Variants in EIF2S3B observed in about 807,000 individuals in gnomAD.
EIF2S3B encodes the protein eukaryotic translation initiation factor 2 subunit 3B.
EIF2S3B carries 16 observed loss-of-function variants against 26.4 expected under a neutral mutation model. The ratio of observed to expected loss-of-function variants is 0.61; its 90% CI spans 0.41 to 0.92. EIF2S3B has a LOEUF of 0.92. Ranked by LOEUF, EIF2S3B falls within the 40% of genes least tolerant of loss-of-function variation. EIF2S3B has a pLI of 0.00. For synonymous variants in EIF2S3B, 183 were observed against 204.4 expected, an observed-to-expected ratio of 0.90 and a Z score of 0.89; for missense variants, 510 against 575.5, an observed-to-expected ratio of 0.89 and a Z score of 1.16.
chr12:10,513,976 T>C (rs1237264493), intron 1 of EIF2S3B, among the ~76,000 whole-genome samples: 3 of 152,018 alleles, frequency 2.0e-5, no homozygotes, highest in Non-Finnish European at 4.4e-5. Flanking sequence ...GATAGTCCCA[T>C]GGCACTCCAG....
rs182270887 is a variant in EIF2S3B at position 10,506,211 on chromosome 12, A to C, written c.309A>C (p.Arg103=). The C allele has an allele frequency of 5.9e-3, 9,423 of 1,592,000 alleles. 91 individuals carry two copies. Among genetic ancestry groups the C allele is most frequent in the South Asian group, 0.03 (2,757 of 90,576 alleles). The change falls in exon 1 of 1, where the codon CGA becomes CGC. Residue 103 remains arginine, a synonymous_variant. Coordinates refer to ENST00000538173, the MANE Select transcript of EIF2S3B (RefSeq NM_001357734.3). ...DPSCPRPECY[R]SCGSSMPDEF... ...GTTGCCCTCGGCCAGAATGTTATCG[A>C]TCTTGTGGGAGCAGTATGCCTGATG...
intron 1 of EIF2S3B, among the ~76,000 whole-genome samples, chr12:10,515,243 T>G (rs1230426495): frequency 6.6e-6 from 1 of 152,016 alleles, no homozygotes; most frequent in Non-Finnish European, 1.5e-5. Flanking sequence ...TTATATGACA[T>G]TCATCTGATC....
rs1864649182 is a variant in EIF2S3B at position 10,507,376 on chromosome 12, TAAC to T, written c.*59_*61del. 2 of 1,595,550 alleles carry T rather than the reference TAAC, an allele frequency of 1.3e-6. No homozygotes were observed. Among genetic ancestry groups the T allele is most frequent in the Admixed American group, 3.3e-5 (2 of 59,918 alleles). ...GGAGCTGGAAGTTGCAATTTCTCTT[TAAC>T]AACCAAGGGGTTTATTTTCAAAGCG... On this transcript the variant is annotated 3_prime_UTR_variant, in exon 1 of 1. Transcript: ENST00000538173.
chr12:10,522,534 T>C (rs1864843875), intron 1 of EIF2S3B: 2 of 606,034 alleles, frequency 3.3e-6, no homozygotes, highest in Admixed American at 5.2e-5. Context: ...TCCTTATACC[T>C]AAATAGATTT....
exon 2 of EIF2S3B, chr12:10,522,782 C>T (rs979263896): frequency 3.4e-5 from 20 of 587,390 alleles, no homozygotes; most frequent in Middle Eastern, 2.6e-4. Flanking sequence ...CTGTGATGCC[C>T]GGAATTGTGA....
rs1217313963 is a variant in EIF2S3B, at chr12:10,506,506, G to GAACA, written c.606_609dup (p.Tyr204ThrfsTer31). The GAACA allele has an allele frequency of 1.2e-6, 2 of 1,600,846 alleles. No homozygotes were observed. Among genetic ancestry groups the GAACA allele is most frequent in the East Asian group, 2.2e-5 (1 of 44,814 alleles). The stretch of plus-strand genomic sequence containing the variant: ...TTTGGTAAAAGAAAGGCAGGCTAAA[G>GAACA]AACAATACGAGCAGATCCTTGCGTT... On this transcript the variant is annotated frameshift_variant, in exon 1 of 1. Transcript: ENST00000538173. LOFTEE classifies it high-confidence loss of function.
chr12:10,511,698 T>C (rs1864705767), downstream of EIF2S3B, among the ~76,000 whole-genome samples: 1 of 152,214 alleles, frequency 6.6e-6, no homozygotes, highest in African/African-American at 2.4e-5. Context: ...AAGTTGTGAT[T>C]AATATTTGCA....
intron 1 of EIF2S3B, among the ~76,000 whole-genome samples, chr12:10,522,081 CT>C (rs1449135951): frequency 1.3e-5 from 2 of 152,200 alleles, no homozygotes; most frequent in East Asian, 1.9e-4. Context: ...GACTTTCAGT[CT>C]GTAAAACATA....
Position 10,517,475 on chromosome 12 carries a change from T to C in EIF2S3B, c.1309-5128T>C, listed in dbSNP as rs1429792623. On this transcript the variant is annotated intron_variant, in intron 1 of 1. Coordinates refer to the EIF2S3B transcript ENST00000322446. ...TGGTGATATCCCCTTTATCATTTTTTATTGTGTCTATTTGATTTTCTCTCT... is the reference window on the plus strand; with the variant it reads ...TGGTGATATCCCCTTTATCATTTTTCATTGTGTCTATTTGATTTTCTCTCT... Among the ~76,000 whole-genome samples, 5 of 152,322 alleles carry C rather than the reference T, an allele frequency of 3.3e-5. No homozygotes were observed. In the East Asian group the frequency reaches 5.8e-4, roughly 18 times the overall value.
At chr12:10,510,348 ATG>A (rs1287390277), downstream of EIF2S3B, among the ~76,000 whole-genome samples, 1 of 151,920 alleles carries the variant, frequency 6.6e-6, no homozygotes, top group Non-Finnish European at 1.5e-5. Flanking sequence ...GGACACACAC[ATG>A]TCTCATAAAG....
rs1204729425 is a variant in EIF2S3B, at chr12:10,506,463, T to G, written c.561T>G (p.Ile187Met). 11 of 1,610,288 alleles carry G rather than the reference T, an allele frequency of 6.8e-6. No homozygotes were observed. The highest frequency in any genetic ancestry group is 9.3e-6 in the Non-Finnish European group (11 of 1,176,488). ...TCATGAAACTGAAGCATATTTTGAT[T>G]CTACAAAATAAAATTGATTTGGTAA... is the stretch of plus-strand genomic sequence containing the variant. ...IEIMKLKHIL[I>M]LQNKIDLVKE... Residue 187 changes from isoleucine (I) to methionine (M), a missense_variant, in exon 1 of 1, where the codon ATT becomes ATG. By Grantham distance (10) the Ile-to-Met change is conservative. Coordinates refer to ENST00000538173, the MANE Select transcript of EIF2S3B (RefSeq NM_001357734.3).
Position 10,507,501 on chromosome 12 carries a change from A to C in EIF2S3B, c.*180A>C. Reference sequence around the variant, plus strand: ...TGGTTATGAAAACTTAGGGACTACAATTAGTATAAAAATTGGCATAATGTT... The same window carrying C: ...TGGTTATGAAAACTTAGGGACTACACTTAGTATAAAAATTGGCATAATGTT... On this transcript the variant is annotated 3_prime_UTR_variant, in exon 1 of 1. Coordinates refer to ENST00000538173, the MANE Select transcript of EIF2S3B (RefSeq NM_001357734.3). 5 of 696,380 alleles carry C rather than the reference A, an allele frequency of 7.2e-6. No homozygotes were observed. Among genetic ancestry groups the C allele is most frequent in the Non-Finnish European group, 1.2e-5 (5 of 422,528 alleles). 43.1% of individuals were successfully genotyped at this position (696,380 alleles called of 1,614,324 possible).
At chr12:10,521,957 C>T (rs1176187822) in intron 1 of EIF2S3B, among the ~76,000 whole-genome samples, 1 of 152,172 alleles carries the variant, frequency 6.6e-6, no homozygotes, top group Non-Finnish European at 1.5e-5. Flanking sequence ...AATAACTTCT[C>T]CAGTTTCCTC....
In EIF2S3B at chr12:10,506,565, T is replaced by C; in HGVS notation, c.663T>C (p.Ile221=). 6.3e-7 allele frequency: 1 copy of C among 1,594,616 alleles called. No homozygotes were observed. Among genetic ancestry groups the C allele is most frequent in the South Asian group, 1.1e-5 (1 of 90,658 alleles). The change falls in exon 1 of 1, where the codon ATT becomes ATC. Residue 221 remains isoleucine (I), a synonymous_variant. Coordinates refer to ENST00000538173, the MANE Select transcript of EIF2S3B (RefSeq NM_001357734.3). ...GTACAGTAGCAGAGGGAGCTCCCAT[T>C]ATTCCAATTTCGGCTCAGCTGAAAT... The part of the protein sequence containing the change: ...VQGTVAEGAP[I]IPISAQLKYN...
intron 1 of EIF2S3B, among the ~76,000 whole-genome samples, chr12:10,515,324 C>T (rs997137838): frequency 2.6e-5 from 4 of 151,938 alleles, no homozygotes; most frequent in Non-Finnish European, 4.4e-5. Flanking sequence ...AAAACTTCTC[C>T]TTTCAACTGA....
Position 10,506,609 on chromosome 12 carries a change from G to T in EIF2S3B, c.707G>T (p.Cys236Phe). The T allele has an allele frequency of 1.2e-6, 2 of 1,608,790 alleles. No individual in the cohort carries two copies. Among genetic ancestry groups the T allele is most frequent in the Non-Finnish European group, 8.5e-7 (1 of 1,175,200 alleles). ...AQLKYNIEVVCEYIVKKIPVP... is the reference protein window; with the variant it reads ...AQLKYNIEVVFEYIVKKIPVP... The stretch of plus-strand genomic sequence containing the variant: ...CTGAAATACAATATTGAAGTTGTTT[G>T]TGAGTACATAGTAAAGAAAATTCCA... The change falls in exon 1 of 1, where the codon TGT becomes TTT. Residue 236 changes from cysteine to phenylalanine, a missense_variant. Transcript: ENST00000538173.
intron 1 of EIF2S3B, among the ~76,000 whole-genome samples, chr12:10,517,171 G>A (rs1164479740): frequency 1.3e-5 from 2 of 152,114 alleles, no homozygotes; most frequent in Admixed American, 6.6e-5. Context: ...GATTGGAATA[G>A]TTTCAGAAGG....
intron 1 of EIF2S3B, among the ~76,000 whole-genome samples, chr12:10,518,998 G>GA (rs1241405378): frequency 6.6e-6 from 1 of 151,026 alleles, no homozygotes; most frequent in Non-Finnish European, 1.5e-5. Flanking sequence ...CACAGAATTG[G>GA]AAAAAACTAC....
At chr12:10,518,718 GACAA>G (rs1208152582) in intron 1 of EIF2S3B, among the ~76,000 whole-genome samples, 1 of 151,740 alleles carries the variant, frequency 6.6e-6, no homozygotes, top group African/African-American at 2.4e-5. Context: ...ACCAACAACA[GACAA>G]ACAGAGAGCC....
Sources: gnomAD v4.1 joint callset for allele counts (sites outside exome capture counted in the v4.1 genomes callset) on GRCh38, gnomAD v4.1.1 for gene constraint, MANE v1.5 for transcripts, NCBI Gene and HGNC (gene_info 2026-07-23, HGNC 2026-07-21) for gene names.